DLGAP1: variants seen among roughly 807,000 people sequenced by gnomAD.
The protein encoded by DLGAP1 is disks large-associated protein 1.
DLGAP1 carries 11 observed loss-of-function variants against 90.8 expected under a neutral mutation model. The ratio of observed to expected loss-of-function variants is 0.12; its 90% confidence interval spans 0.08 to 0.20. The LOEUF is 0.20. Ranked by LOEUF, DLGAP1 falls within the 10% of genes least tolerant of loss-of-function variation. The probability of loss-of-function intolerance (pLI) is 1.00; values close to 1 mark genes in which losing one functional copy is unlikely to be tolerated. For missense variants in DLGAP1, 1,050 were observed against 1,333.8 expected, an observed-to-expected ratio of 0.79 and a Z score of 3.31; for synonymous variants, 558 against 540.7, an observed-to-expected ratio of 1.03 and a Z score of -0.44.
chr18:3,867,372 T>C (rs1464074315), intron 4 of DLGAP1, among the ~76,000 whole-genome samples: 2 of 151,952 alleles, frequency 1.3e-5, no homozygotes, highest in Admixed American at 6.6e-5. Flanking sequence ...TGTAATAAAA[T>C]AGCTGCACAA....
At chr18:3,753,517 T>G in intron 5 of DLGAP1, among the ~76,000 whole-genome samples, 1 of 152,114 alleles carries the variant, frequency 6.6e-6, no homozygotes, top group Non-Finnish European at 1.5e-5. Context: ...GGCCCAAAAT[T>G]TCAAAGAAAG....
intron 1 of DLGAP1, among the ~76,000 whole-genome samples, chr18:4,439,203 A>G (rs1199485256): frequency 6.6e-6 from 1 of 152,160 alleles, no homozygotes; most frequent in African/African-American, 2.4e-5. Context: ...TCACTAGCCC[A>G]TGAGTTCCCT....
At chr18:3,909,209 T>A (rs1348292859) in intron 3 of DLGAP1, among the ~76,000 whole-genome samples, 3 of 152,188 alleles carry the variant, frequency 2.0e-5, no homozygotes, top group African/African-American at 7.2e-5. Flanking sequence ...TTGAAACCAA[T>A]TGCTGAAGAT....
intron 1 of DLGAP1, among the ~76,000 whole-genome samples, chr18:4,260,687 T>C (rs1018655466): frequency 6.6e-6 from 1 of 152,222 alleles, no homozygotes; most frequent in Non-Finnish European, 1.5e-5. Context: ...AACATATCCA[T>C]GATGCTTTGT....
At chr18:3,524,514 A>C (rs1247534105) in intron 10 of DLGAP1, among the ~76,000 whole-genome samples, 1 of 152,224 alleles carries the variant, frequency 6.6e-6, no homozygotes, top group Admixed American at 6.5e-5. Context: ...AATTTGCTTC[A>C]TAATAGTCAC....
intron 3 of DLGAP1, among the ~76,000 whole-genome samples, chr18:3,966,577 G>A (rs2073337238): frequency 6.6e-6 from 1 of 152,116 alleles, no homozygotes. Context: ...AGCCAAAACT[G>A]ATCAAAGGGG....
At chr18:3,768,687 A>G (rs1282977934) in intron 5 of DLGAP1, among the ~76,000 whole-genome samples, 1 of 152,202 alleles carries the variant, frequency 6.6e-6, no homozygotes, top group Non-Finnish European at 1.5e-5. Context: ...AATTCAAAAG[A>G]GGAAAGATGG....
intron 1 of DLGAP1, among the ~76,000 whole-genome samples, chr18:4,163,269 T>C (rs932842450): frequency 2.0e-5 from 3 of 152,240 alleles, no homozygotes; most frequent in African/African-American, 7.2e-5. Flanking sequence ...TTCACTACTT[T>C]GGAAGGGCAA....
intron 7 of DLGAP1, among the ~76,000 whole-genome samples, chr18:3,588,811 C>T (rs1160250893): frequency 6.7e-6 from 1 of 150,320 alleles, no homozygotes; most frequent in Non-Finnish European, 1.5e-5. Context: ...GAAAGAAAGA[C>T]ATTATAGAGA....
At chr18:4,150,821 A>G (rs1036163186) in intron 2 of DLGAP1, among the ~76,000 whole-genome samples, 2 of 152,246 alleles carry the variant, frequency 1.3e-5, no homozygotes, top group African/African-American at 4.8e-5. Context: ...AAGAAAAGCT[A>G]ACACTATGCC....
chr18:4,372,145 C>T (rs887692286), intron 1 of DLGAP1, among the ~76,000 whole-genome samples: 4 of 152,136 alleles, frequency 2.6e-5, no homozygotes, highest in Non-Finnish European at 5.9e-5. Flanking sequence ...AGGAGAAATG[C>T]AATATATGGT....
chr18:4,103,063 T>C (rs2075805189), intron 2 of DLGAP1, among the ~76,000 whole-genome samples: 1 of 152,212 alleles, frequency 6.6e-6, no homozygotes, highest in African/African-American at 2.4e-5. Context: ...CTGCTTCTTC[T>C]GGGGCTAACA....
At chr18:4,193,844 C>T (rs997179161) in intron 1 of DLGAP1, among the ~76,000 whole-genome samples, 1 of 152,074 alleles carries the variant, frequency 6.6e-6, no homozygotes, top group African/African-American at 2.4e-5. Context: ...CTTGGTAACA[C>T]TGCCAACAAT....
In DLGAP1 at chr18:3,796,655, C is replaced by T. The variant is rs150218948; in HGVS notation, c.1172+17404G>A. On this transcript the variant is annotated intron_variant, in intron 5 of 12. Coordinates refer to ENST00000315677, the MANE Select transcript of DLGAP1 (RefSeq NM_004746.4). The stretch of plus-strand genomic sequence containing the variant: ...ATGCTCTAGACCTGTCAGTAACAGC[C>T]GCTTAGCCACTGAGCTAAGAGCTGA... 4.2e-3 allele frequency among the ~76,000 whole-genome samples: 645 copies of T among 152,276 alleles called. 2 individuals are homozygous for T. Among genetic ancestry groups the T allele is most frequent in the Non-Finnish European group, 5.9e-3 (400 of 68,030 alleles).
intron 3 of DLGAP1, among the ~76,000 whole-genome samples, chr18:3,971,461 CAT>C (rs59470936): frequency 0.055 from 8,313 of 152,202 alleles, 375 homozygotes; most frequent in Middle Eastern, 0.14. Context: ...CATAATATCA[CAT>C]ATGTGTGCAT....
intron 7 of DLGAP1, among the ~76,000 whole-genome samples, chr18:3,629,644 C>T (rs1397911640): frequency 6.6e-6 from 1 of 151,798 alleles, no homozygotes; most frequent in Non-Finnish European, 1.5e-5. Flanking sequence ...CGCACTCCAG[C>T]CTGGGCAACA....
chr18:4,313,609 C>T (rs752920238), intron 1 of DLGAP1, among the ~76,000 whole-genome samples: 3 of 152,110 alleles, frequency 2.0e-5, no homozygotes, highest in African/African-American at 7.2e-5. Flanking sequence ...GGACACTCAT[C>T]GTTTCTGCCC....
intron 3 of DLGAP1, among the ~76,000 whole-genome samples, chr18:3,963,674 T>G (rs376597219): frequency 5.9e-5 from 9 of 151,660 alleles, no homozygotes; most frequent in African/African-American, 2.2e-4. Flanking sequence ...AGTGTGATTA[T>G]GGATTGATTC....
chr18:4,208,874 G>T (rs1288268524), intron 1 of DLGAP1, among the ~76,000 whole-genome samples: 2 of 152,042 alleles, frequency 1.3e-5, no homozygotes, highest in Non-Finnish European at 2.9e-5. Context: ...ACCTAGACAT[G>T]CACTCAAATG....
Sources: allele counts gnomAD v4.1 joint callset (sites outside exome capture counted in the v4.1 genomes callset), GRCh38; gene constraint gnomAD v4.1.1; transcripts MANE v1.5; gene names NCBI Gene and HGNC (gene_info 2026-07-23, HGNC 2026-07-21).